The following GRIK1 variants were observed in gnomAD, a reference collection of about 807,000 sequenced individuals.
GRIK1 encodes the protein glutamate ionotropic receptor kainate type subunit 1, also known as glutamate receptor ionotropic, kainate 1.
GRIK1 carries 69 observed loss-of-function variants against 105.7 expected under a neutral mutation model. That is an observed-to-expected ratio of 0.65 (90% confidence interval 0.54 to 0.80). GRIK1 has a LOEUF of 0.80. Among genes scored for constraint, GRIK1 ranks in the 30% least tolerant of loss-of-function variants. GRIK1 has a pLI of 0.00. For synonymous variants in GRIK1, 438 were observed against 431.3 expected (o/e 1.02, Z -0.19); for missense variants, 1,109 against 1,167.3 (o/e 0.95, Z 0.73).
At chr21:29,888,123 A>G (rs1384362863) in intron 1 of GRIK1, among the ~76,000 whole-genome samples, 1 of 144,952 alleles carries the variant, frequency 6.9e-6, no homozygotes, top group Non-Finnish European at 1.5e-5. Flanking sequence ...CCTTGTCTCC[A>G]TTTTATAGCC....
intron 1 of GRIK1, among the ~76,000 whole-genome samples, chr21:29,834,348 CA>C (rs1400822130): frequency 6.7e-6 from 1 of 148,596 alleles, no homozygotes; most frequent in Non-Finnish European, 1.5e-5. Context: ...TTATGTATTA[CA>C]TATATATTAT....
At chr21:29,581,661 CAA>C in intron 12 of GRIK1, 118 bp from the exon 13 acceptor site, 3 of 641,366 alleles carry the variant, frequency 4.7e-6, no homozygotes, top group South Asian at 3.9e-5. Context: ...AGCTTCAAAC[CAA>C]AAGAGTAAAG....
At chr21:29,765,486 T>A (rs1265346135) in intron 1 of GRIK1, among the ~76,000 whole-genome samples, 1 of 152,176 alleles carries the variant, frequency 6.6e-6, no homozygotes, top group Non-Finnish European at 1.5e-5. Context: ...ATTTAAGTTA[T>A]TGCATTCCTT....
chr21:29,861,640 T>C (rs1446422849), intron 1 of GRIK1: 2 of 448,880 alleles, frequency 4.5e-6, no homozygotes, highest in Admixed American at 2.5e-5. Context: ...TTCCCTTCTT[T>C]TCCTAACTTG....
chr21:29,564,964 A>G (rs1192432213), intron 14 of GRIK1, among the ~76,000 whole-genome samples: 1 of 152,222 alleles, frequency 6.6e-6, no homozygotes, highest in Non-Finnish European at 1.5e-5. Flanking sequence ...ATGGATTTAA[A>G]TTCAACAACA....
intron 7 of GRIK1, among the ~76,000 whole-genome samples, chr21:29,638,307 G>C (rs2062438803): frequency 6.6e-6 from 1 of 152,048 alleles, no homozygotes; most frequent in African/African-American, 2.4e-5. Context: ...AAGGGGAAGA[G>C]CCCCTTCTAA....
rs1568785537 is a variant in GRIK1 at position 29,537,797 on chromosome 21, C to A, written c.2694+1G>T. 1.4e-6 allele frequency: 2 copies of A among 1,440,200 alleles called. No homozygotes were observed. The highest frequency in any genetic ancestry group is 2.3e-5 in the East Asian group (1 of 44,122). 89.2% of individuals were successfully genotyped at this position (1,440,200 alleles called of 1,614,324 possible). A position where few individuals can be genotyped will look rare whatever the true frequency, so the allele number is the denominator to read the frequency against. On this transcript the variant is annotated splice_donor_variant, in intron 17 of 17. Coordinates refer to ENST00000327783, the MANE Select transcript of GRIK1 (RefSeq NM_001330994.2). LOFTEE classifies it high-confidence loss of function. ...AGTAATGCTATAGAAAATGAACAAA[C>A]CTTCTCTACACCAAGGCTTTGTTTT... is the stretch of plus-strand genomic sequence containing the variant.
intron 1 of GRIK1, among the ~76,000 whole-genome samples, chr21:29,772,127 G>A (rs975322690): frequency 3.3e-5 from 5 of 152,138 alleles, no homozygotes; most frequent in African/African-American, 1.2e-4. Context: ...CTTTTTACAG[G>A]CACATTTTTT....
intron 1 of GRIK1, among the ~76,000 whole-genome samples, chr21:29,706,719 G>C (rs2063915616): frequency 1.3e-5 from 2 of 152,224 alleles, no homozygotes; most frequent in African/African-American, 4.8e-5. Flanking sequence ...ATCACAGAGG[G>C]ATCTGTGTTA....
intron 1 of GRIK1, among the ~76,000 whole-genome samples, chr21:29,775,932 AG>A (rs2065932890): frequency 6.6e-6 from 1 of 152,210 alleles, no homozygotes; most frequent in Non-Finnish European, 1.5e-5. Context: ...TAATTTATAA[AG>A]GAAAGATGTT....
At chr21:29,676,837 G>A (rs993731840) in intron 3 of GRIK1, among the ~76,000 whole-genome samples, 1 of 152,150 alleles carries the variant, frequency 6.6e-6, no homozygotes, top group Non-Finnish European at 1.5e-5. Flanking sequence ...CTGAATCAAA[G>A]GAGATGAAAG....
At chr21:29,807,482 GCTTGTATCTCTGTCTTGCTCATGTAATC>G (rs1307901576) in intron 1 of GRIK1, among the ~76,000 whole-genome samples, 1 of 152,058 alleles carries the variant, frequency 6.6e-6, no homozygotes, top group Non-Finnish European at 1.5e-5. Flanking sequence ...GGGTCAGGTT[GCTTGTATCTCTGTCTTGCTCATGTAATC>G]CTTCCTTCAT....
chr21:29,586,579 A>G (rs1372301526), intron 12 of GRIK1, among the ~76,000 whole-genome samples: 2 of 152,250 alleles, frequency 1.3e-5, no homozygotes, highest in Non-Finnish European at 2.9e-5. Context: ...TATTTTTTAC[A>G]TGGTTTATCT....
intron 4 of GRIK1, among the ~76,000 whole-genome samples, chr21:29,672,477 G>A (rs2063177459): frequency 6.6e-6 from 1 of 152,008 alleles, no homozygotes; most frequent in Non-Finnish European, 1.5e-5. Flanking sequence ...CTAACACATA[G>A]CAGTTTATTG....
At chr21:29,792,948 T>G (rs1475224396) in intron 1 of GRIK1, among the ~76,000 whole-genome samples, 1 of 152,230 alleles carries the variant, frequency 6.6e-6, no homozygotes, top group African/African-American at 2.4e-5. Context: ...TTTCCACTTT[T>G]GTCTCAGTAG....
intron 1 of GRIK1, among the ~76,000 whole-genome samples, chr21:29,725,023 AAAAG>A (rs2064419835): frequency 6.6e-6 from 1 of 151,706 alleles, no homozygotes; most frequent in Non-Finnish European, 1.5e-5. Context: ...AAAAAAAAAA[AAAAG>A]AAACTCTACT....
chr21:29,608,737 G>A (rs1230183019), intron 7 of GRIK1, among the ~76,000 whole-genome samples: 1 of 152,170 alleles, frequency 6.6e-6, no homozygotes, highest in South Asian at 2.1e-4. Context: ...CTTTGTCAGA[G>A]AATGGCAGTA....
intron 1 of GRIK1, among the ~76,000 whole-genome samples, chr21:29,726,484 G>T (rs958602222): frequency 6.6e-6 from 1 of 151,962 alleles, no homozygotes; most frequent in Non-Finnish European, 1.5e-5. Context: ...GAATAATATC[G>T]TACACAAAGA....
chr21:29,671,842 A>T (rs561504893), intron 4 of GRIK1, among the ~76,000 whole-genome samples: 26 of 152,196 alleles, frequency 1.7e-4, no homozygotes, highest in African/African-American at 5.5e-4. Flanking sequence ...CAATCATCTG[A>T]TCTTTTATTA....
Sources: allele counts gnomAD v4.1 joint callset (sites outside exome capture counted in the v4.1 genomes callset), GRCh38; gene constraint gnomAD v4.1.1; transcripts MANE v1.5; gene names NCBI Gene and HGNC (gene_info 2026-07-23, HGNC 2026-07-21).